AUTS2: variants seen among roughly 807,000 people sequenced by gnomAD.
AUTS2 encodes the protein activator of transcription and developmental regulator AUTS2, also known as autism susceptibility gene 2 protein.
AUTS2 carries 17 observed loss-of-function variants against 112.4 expected under a neutral mutation model. That is an observed-to-expected ratio of 0.15 (90% CI 0.10 to 0.23). AUTS2 has a LOEUF of 0.23. AUTS2 is among the 10% of genes least tolerant of loss of function. AUTS2 has a pLI of 1.00. For missense variants in AUTS2, 1,510 were observed against 1,701.6 expected, an observed-to-expected ratio of 0.89 and a Z score of 1.98; for synonymous variants, 751 against 702.7, an observed-to-expected ratio of 1.07 and a Z score of -1.09.
chr7:69,908,923 G>A (rs1771002772), intron 2 of AUTS2, among the ~76,000 whole-genome samples: 1 of 152,164 alleles, frequency 6.6e-6, no homozygotes, highest in African/African-American at 2.4e-5. Context: ...TTGTTAAAAT[G>A]CAGATTCCCA....
intron 2 of AUTS2, among the ~76,000 whole-genome samples, chr7:70,001,803 C>T (rs768427837): frequency 2.0e-5 from 3 of 151,476 alleles, no homozygotes; most frequent in Non-Finnish European, 2.9e-5. Flanking sequence ...CTCTGCCTTC[C>T]AGGCTGAAGT....
At chr7:70,573,116 A>C (rs1802018989) in intron 5 of AUTS2, among the ~76,000 whole-genome samples, 1 of 152,052 alleles carries the variant, frequency 6.6e-6, no homozygotes, top group African/African-American at 2.4e-5. Flanking sequence ...CATGGAAAAC[A>C]CTCCATCAAA....
intron 1 of AUTS2, among the ~76,000 whole-genome samples, chr7:69,679,778 G>C (rs889118727): frequency 6.6e-6 from 1 of 152,190 alleles, no homozygotes; most frequent in African/African-American, 2.4e-5. Flanking sequence ...AGAAGCAAAT[G>C]TCAGTTACAT....
At chr7:69,950,681 A>G (rs1041215637) in intron 2 of AUTS2, among the ~76,000 whole-genome samples, 30 of 152,148 alleles carry the variant, frequency 2.0e-4, no homozygotes, top group African/African-American at 6.8e-4. Context: ...CTTCTGGTCC[A>G]GTGTTCCAAG....
At chr7:70,771,264 T>TTCTA (rs1790319314) in intron 10 of AUTS2, 1 of 228,206 alleles carries the variant, frequency 4.4e-6, no homozygotes, top group Non-Finnish European at 8.5e-6. Flanking sequence ...CATTTAGGAC[T>TTCTA]TCTATCTGAT....
chr7:70,238,321 C>T (rs1158454551), intron 4 of AUTS2, among the ~76,000 whole-genome samples: 1 of 152,206 alleles, frequency 6.6e-6, no homozygotes, highest in Non-Finnish European at 1.5e-5. Flanking sequence ...GCCTAGTGAG[C>T]AGAGGGGATT....
intron 2 of AUTS2, among the ~76,000 whole-genome samples, chr7:70,114,376 T>C (rs12669460): frequency 0.1 from 15,521 of 152,234 alleles, 845 homozygotes; most frequent in Admixed American, 0.13. Flanking sequence ...TAAGCCAGCA[T>C]CTGGCCTTTG....
chr7:69,983,879 GTTATAAACCC>G (rs963872441), intron 2 of AUTS2, among the ~76,000 whole-genome samples: 15 of 152,226 alleles, frequency 9.9e-5, no homozygotes, highest in African/African-American at 2.6e-4. Flanking sequence ...TAGGGTTCTA[GTTATAAACCC>G]TTATAAACCC....
chr7:70,444,373 T>TGTGTGTGTGTGTGAGAGA lies in AUTS2; in HGVS notation c.690+8593_690+8594insTGTGTGTGTGTGAGAGAG, dbSNP rs372696006. ...GTGTGTGTGTGTGTGTGTGTGTGTG[T>TGTGTGTGTGTGTGAGAGA]GAGAGAGAGAGAGAGAGAGAAAGAG... On this transcript the variant is annotated intron_variant, in intron 5 of 18. Transcript: ENST00000342771. Among the ~76,000 whole-genome samples, 158 of 142,492 alleles carry TGTGTGTGTGTGTGAGAGA rather than the reference T, an allele frequency of 1.1e-3. 2 individuals carry two copies. The highest frequency in any genetic ancestry group is 4.1e-3 in the African/African-American group (151 of 37,208). The allele number at this position is 142,492 out of a possible 152,430, so 93.5% of individuals were successfully genotyped here. A position where few individuals can be genotyped will look rare whatever the true frequency, so the allele number is the denominator to read the frequency against.
chr7:70,594,573 A>G (rs1268109662), intron 5 of AUTS2, among the ~76,000 whole-genome samples: 2 of 152,212 alleles, frequency 1.3e-5, no homozygotes, highest in African/African-American at 2.4e-5. Flanking sequence ...GACTCTGTGT[A>G]TTCAAGGACC....
chr7:70,167,823 G>A (rs1207872042), intron 4 of AUTS2, among the ~76,000 whole-genome samples: 1 of 152,166 alleles, frequency 6.6e-6, no homozygotes, highest in Admixed American at 6.5e-5. Context: ...ATATCAAAGA[G>A]TAAGTCTCAA....
intron 4 of AUTS2, among the ~76,000 whole-genome samples, chr7:70,220,142 C>T (rs1280887094): frequency 1.3e-5 from 2 of 152,102 alleles, no homozygotes; most frequent in African/African-American, 4.8e-5. Context: ...TCATAGATAA[C>T]GCAAAAATAA....
At chr7:69,654,851 G>A (rs567387418) in intron 1 of AUTS2, among the ~76,000 whole-genome samples, 2 of 152,282 alleles carry the variant, frequency 1.3e-5, no homozygotes, top group South Asian at 2.1e-4. Context: ...AAAATGTTTA[G>A]AGGTGGGCTT....
chr7:70,001,417 C>A (rs1384357316), intron 2 of AUTS2, among the ~76,000 whole-genome samples: 1 of 152,050 alleles, frequency 6.6e-6, no homozygotes, highest in Non-Finnish European at 1.5e-5. Flanking sequence ...CGAGACACCA[C>A]ACGGCCAAGT....
chr7:70,386,971 G>T (rs575339230), intron 4 of AUTS2, among the ~76,000 whole-genome samples: 1 of 152,142 alleles, frequency 6.6e-6, no homozygotes, highest in South Asian at 2.1e-4. Flanking sequence ...CTCTAAGGTG[G>T]ATGCCTTCAT....
In AUTS2 at chr7:70,788,157, A is replaced by G. The variant is rs115789678; in HGVS notation, c.2531+726A>G. Among the ~76,000 whole-genome samples the G allele has an allele frequency of 7.5e-3, 1,134 of 151,976 alleles. 13 individuals are homozygous for G. The highest frequency in any genetic ancestry group is 0.025 in the African/African-American group (1,055 of 41,484). On this transcript the variant is annotated intron_variant, in intron 18 of 18. Transcript: ENST00000342771. ...CTTTTTTTTTTTCTTTCTTTAGGCT[A>G]TTTATTTTCACTTTAAATGAACTGA...
chr7:70,451,723 G>A (rs570531354), intron 5 of AUTS2, among the ~76,000 whole-genome samples: 1 of 152,280 alleles, frequency 6.6e-6, no homozygotes, highest in East Asian at 1.9e-4. Context: ...TAATGCTTTG[G>A]TGATAATATC....
chr7:70,506,726 T>C (rs1303291038), intron 5 of AUTS2, among the ~76,000 whole-genome samples: 2 of 152,238 alleles, frequency 1.3e-5, no homozygotes, highest in African/African-American at 4.8e-5. Flanking sequence ...GGACCCCTTC[T>C]GGCTGCCCTT....
At chr7:69,800,667 T>G (rs1246561024) in intron 1 of AUTS2, among the ~76,000 whole-genome samples, 1 of 152,238 alleles carries the variant, frequency 6.6e-6, no homozygotes, top group African/African-American at 2.4e-5. Context: ...GTTTGATTTA[T>G]CTCTGCTCCC....
Sources: allele counts gnomAD v4.1 joint callset (sites outside exome capture counted in the v4.1 genomes callset), GRCh38; gene constraint gnomAD v4.1.1; transcripts MANE v1.5; gene names NCBI Gene and HGNC (gene_info 2026-07-23, HGNC 2026-07-21).